Variants in FLRT1 observed in about 807,000 individuals in gnomAD.
The protein encoded by FLRT1 is leucine-rich repeat transmembrane protein FLRT1.
In FLRT1, 14 loss-of-function variants were observed where a neutral mutation model predicts 30.9. That is an observed-to-expected ratio of 0.45 (90% CI 0.30 to 0.71). The LOEUF is 0.71. FLRT1 is among the 30% of genes least tolerant of loss of function. FLRT1 has a pLI of 0.08. For synonymous variants in FLRT1, 368 were observed against 430.4 expected (o/e 0.85, Z 1.80); for missense variants, 737 against 949.2 (o/e 0.78, Z 2.94).
chr11:64,099,665 T>G (rs1944637358), intron 1 of FLRT1, among the ~76,000 whole-genome samples: 1 of 146,194 alleles, frequency 6.8e-6, no homozygotes. Context: ...GAGAGATGAG[T>G]GGATAGATTG....
intron 1 of FLRT1, among the ~76,000 whole-genome samples, chr11:64,060,268 C>G (rs1943874205): frequency 6.6e-6 from 1 of 152,242 alleles, no homozygotes; most frequent in Non-Finnish European, 1.5e-5. Context: ...CCCCAGAGCT[C>G]CGGGAGCGGC....
chr11:64,086,308 G>A (rs747747236), intron 1 of FLRT1, among the ~76,000 whole-genome samples: 14 of 152,196 alleles, frequency 9.2e-5, no homozygotes, highest in Non-Finnish European at 1.5e-4. Flanking sequence ...AGTGCATACC[G>A]GCACCTGCAC....
At chr11:64,055,590 C>T (rs1005483956) in intron 1 of FLRT1, among the ~76,000 whole-genome samples, 2 of 152,222 alleles carry the variant, frequency 1.3e-5, no homozygotes, top group East Asian at 1.9e-4. Context: ...TGTCCCTCCA[C>T]GAGGCAGCCA....
intron 2 of FLRT1, among the ~76,000 whole-genome samples, chr11:64,115,023 C>T (rs35927325): frequency 0.11 from 17,023 of 152,148 alleles, 1,524 homozygotes; most frequent in East Asian, 0.48. Flanking sequence ...TCCCTGCTGG[C>T]TCAGTGAGCA....
chr11:64,089,711 G>A (rs1179950477), intron 1 of FLRT1, among the ~76,000 whole-genome samples: 1 of 152,226 alleles, frequency 6.6e-6, no homozygotes, highest in African/African-American at 2.4e-5. Flanking sequence ...TGGGGCTCTT[G>A]AGGGAGGGTG....
At chr11:64,043,009 A>G (rs1193182866) in intron 1 of FLRT1, among the ~76,000 whole-genome samples, 2 of 152,214 alleles carry the variant, frequency 1.3e-5, no homozygotes, top group Admixed American at 6.5e-5. Flanking sequence ...CAGAAGGGCT[A>G]TGAAATGAAA....
chr11:64,065,513 G>A (rs1415372972), intron 1 of FLRT1, among the ~76,000 whole-genome samples: 2 of 152,208 alleles, frequency 1.3e-5, no homozygotes, highest in Non-Finnish European at 2.9e-5. Context: ...CAAGGGGCCA[G>A]GCGCGGTGGC....
rs34838337 is a variant in FLRT1 at position 64,103,420 on chromosome 11, T to C, written c.-811T>C. On this transcript the variant is annotated 5_prime_UTR_variant, in exon 2 of 3. The change abolishes an upstream ATG in the 5' untranslated region. Coordinates refer to ENST00000682287, the MANE Select transcript of FLRT1 (RefSeq NM_013280.5). The stretch of plus-strand genomic sequence containing the variant: ...TGTGTCAGCAGCTCCAGCCCCACCA[T>C]GAACATCTGAACTCCTCAGCGGGGT... 0.18 allele frequency: 26,940 copies of C among 151,958 alleles called. 2,564 individuals carry two copies. Among genetic ancestry groups the C allele is most frequent in the Admixed American group, 0.29 (4,395 of 15,270 alleles). The allele number at this position is 151,958 out of a possible 1,614,324, so 9.4% of individuals were successfully genotyped here.
At chr11:64,105,228 C>G (rs1417548311) in intron 2 of FLRT1, among the ~76,000 whole-genome samples, 1 of 152,236 alleles carries the variant, frequency 6.6e-6, no homozygotes, top group Non-Finnish European at 1.5e-5. Flanking sequence ...CTGGCTGCTT[C>G]TCTCCCAGTG....
At chr11:64,081,895 T>G (rs562250819) in intron 1 of FLRT1, 30 of 152,204 alleles carry the variant, frequency 2.0e-4, no homozygotes, top group African/African-American at 5.5e-4. Context: ...GGCTGGAGCT[T>G]GGCAGCATCC....
At chr11:64,066,810 A>G (rs1944014487) in intron 1 of FLRT1, among the ~76,000 whole-genome samples, 1 of 152,228 alleles carries the variant, frequency 6.6e-6, no homozygotes, top group Non-Finnish European at 1.5e-5. Flanking sequence ...CGAGAACTCC[A>G]TTAGACAGAG....
At position 64,060,019 on chromosome 11, in the gene FLRT1, C is replaced by G. The variant is rs529310623; in HGVS notation, c.-1038+23860C>G. Among the ~76,000 whole-genome samples, 52 of 152,312 alleles carry G rather than the reference C, an allele frequency of 3.4e-4. 1 individual carries two copies. The highest frequency in any genetic ancestry group is 1.2e-3 in the African/African-American group (50 of 41,558). On this transcript the variant is annotated intron_variant, in intron 1 of 2. Transcript: ENST00000682287. ...CGGTGCGGGACGTCCAGGGGCCCCC[C>G]TCCCACACGGCAGGGGGGAATGGCG... is the stretch of plus-strand genomic sequence containing the variant.
chr11:64,095,673 C>T (rs75473162), intron 1 of FLRT1, among the ~76,000 whole-genome samples: 3,498 of 152,292 alleles, frequency 0.023, 63 homozygotes, highest in Non-Finnish European at 0.036. Context: ...GGACTGGAAT[C>T]CCCAGCTCAC....
Position 64,091,335 on chromosome 11 carries a change from T to C in FLRT1, c.-1037-11859T>C, listed in dbSNP as rs1206786727. Reference sequence around the variant, plus strand: ...TGATTTCATCACGTTTCATTTTCTGTCAAGTTTCCTGCCGTTACAATCTCA... The same window carrying C: ...TGATTTCATCACGTTTCATTTTCTGCCAAGTTTCCTGCCGTTACAATCTCA... On this transcript the variant is annotated intron_variant, in intron 1 of 2. Transcript: ENST00000682287. 2.0e-5 allele frequency among the ~76,000 whole-genome samples: 3 copies of C among 152,034 alleles called. No individual in the cohort carries two copies. The East Asian group carries it at 5.8e-4, about 29-fold the overall frequency.
chr11:64,080,426 G>GTATT (rs1944283163), intron 1 of FLRT1, among the ~76,000 whole-genome samples: 1 of 152,122 alleles, frequency 6.6e-6, no homozygotes, highest in Non-Finnish European at 1.5e-5. Context: ...TTTTTTGTGT[G>GTATT]TATTTACAAG....
chr11:64,104,623 G>T (rs1944726346), intron 2 of FLRT1, among the ~76,000 whole-genome samples: 1 of 152,040 alleles, frequency 6.6e-6, no homozygotes, highest in Admixed American at 6.5e-5. Context: ...GAACGAGAGG[G>T]AGTCCACAAG....
At chr11:64,092,578 G>A (rs1034417209) in intron 1 of FLRT1, among the ~76,000 whole-genome samples, 2 of 152,212 alleles carry the variant, frequency 1.3e-5, no homozygotes, top group Non-Finnish European at 2.9e-5. Context: ...GGCCCAGCCC[G>A]GCTCCTCTGC....
intron 1 of FLRT1, among the ~76,000 whole-genome samples, chr11:64,094,668 G>C (rs1164925146): frequency 6.6e-6 from 1 of 152,214 alleles, no homozygotes; most frequent in Non-Finnish European, 1.5e-5. Flanking sequence ...GCTGCTGCGG[G>C]CGGGACCATT....
At chr11:64,075,748 C>T (rs1260772664) in intron 1 of FLRT1, among the ~76,000 whole-genome samples, 2 of 152,268 alleles carry the variant, frequency 1.3e-5, no homozygotes, top group Admixed American at 1.3e-4. Flanking sequence ...TCTCAGCTCA[C>T]TGCAACCTCC....
Sources: allele counts gnomAD v4.1 joint callset (sites outside exome capture counted in the v4.1 genomes callset), GRCh38; gene constraint gnomAD v4.1.1; transcripts MANE v1.5; gene names NCBI Gene and HGNC (gene_info 2026-07-23, HGNC 2026-07-21).